KIAA1328: variants seen among roughly 807,000 people sequenced by gnomAD.
The protein encoded by KIAA1328 is KIAA1328, also known as protein hinderin.
In KIAA1328, 52 loss-of-function variants were observed where a neutral mutation model predicts 68.1. The observed-to-expected ratio is 0.76, with a 90% CI of 0.61 to 0.96. KIAA1328 has a LOEUF of 0.96. KIAA1328 is among the 40% of genes least tolerant of loss of function. KIAA1328 has a pLI of 0.00. For synonymous variants in KIAA1328, 232 were observed against 239.4 expected, an observed-to-expected ratio of 0.97 and a Z score of 0.28; for missense variants, 641 against 677.6, an observed-to-expected ratio of 0.95 and a Z score of 0.60.
intron 7 of KIAA1328, among the ~76,000 whole-genome samples, chr18:37,117,359 A>G (rs910540915): frequency 6.6e-6 from 1 of 152,322 alleles, no homozygotes; most frequent in Admixed American, 6.5e-5. Context: ...GGATGAAGCT[A>G]GAAACCATCA....
chr18:36,870,928 T>C (rs1031120501), intron 4 of KIAA1328, among the ~76,000 whole-genome samples: 1 of 152,156 alleles, frequency 6.6e-6, no homozygotes, highest in Non-Finnish European at 1.5e-5. Flanking sequence ...CCCAAGGGGC[T>C]CCCCACTCTT....
intron 6 of KIAA1328, among the ~76,000 whole-genome samples, chr18:36,986,485 G>A (rs553092980): frequency 9.0e-4 from 118 of 131,362 alleles, no homozygotes; most frequent in African/African-American, 3.3e-3. Context: ...TTGACAAATG[G>A]GATCTAATTA....
At chr18:37,180,170 A>T (rs17652947) in intron 9 of KIAA1328, among the ~76,000 whole-genome samples, 1 of 151,900 alleles carries the variant, frequency 6.6e-6, no homozygotes, top group African/African-American at 2.4e-5. Context: ...AATTCTTAGC[A>T]TAGTACTTTA....
intron 6 of KIAA1328, among the ~76,000 whole-genome samples, chr18:36,963,730 T>C (rs2051796864): frequency 6.6e-6 from 1 of 152,208 alleles, no homozygotes. Context: ...TTTATGTACT[T>C]GCAGATAGAC....
chr18:36,844,350 C>G, intron 4 of KIAA1328, 48 bp downstream of exon 4: 2 of 1,249,620 alleles, frequency 1.6e-6, no homozygotes, highest in Non-Finnish European at 2.2e-6. Flanking sequence ...AAAGACAACT[C>G]TTATTGAAAA....
At chr18:36,836,027 A>G (rs954602862) in intron 3 of KIAA1328, among the ~76,000 whole-genome samples, 1 of 152,136 alleles carries the variant, frequency 6.6e-6, no homozygotes, top group Admixed American at 6.5e-5. Flanking sequence ...ATAATTGTCT[A>G]TGGTTGCTTT....
intron 4 of KIAA1328, among the ~76,000 whole-genome samples, chr18:36,845,522 C>G (rs2046997849): frequency 6.6e-6 from 1 of 151,628 alleles, no homozygotes; most frequent in South Asian, 2.1e-4. Context: ...TGGAGAATAC[C>G]TGAAATATTA....
intron 4 of KIAA1328, among the ~76,000 whole-genome samples, chr18:36,884,085 T>C (rs1234577552): frequency 1.3e-5 from 2 of 151,936 alleles, no homozygotes; most frequent in Admixed American, 1.3e-4. Context: ...AGATTAATAA[T>C]GCCCAGAGAG....
chr18:36,971,663 T>A (rs999178699), intron 6 of KIAA1328, among the ~76,000 whole-genome samples: 5 of 152,104 alleles, frequency 3.3e-5, no homozygotes, highest in African/African-American at 1.2e-4. Flanking sequence ...TGTGGTACTG[T>A]ATACCATGAA....
intron 7 of KIAA1328, among the ~76,000 whole-genome samples, chr18:37,092,162 G>C (rs1312417652): frequency 1.3e-5 from 2 of 152,052 alleles, no homozygotes; most frequent in Non-Finnish European, 2.9e-5. Context: ...ACTGCTGCTG[G>C]CACACGTGCA....
intron 6 of KIAA1328, among the ~76,000 whole-genome samples, chr18:36,960,239 T>C (rs1006768272): frequency 2.0e-5 from 3 of 152,206 alleles, no homozygotes; most frequent in African/African-American, 7.2e-5. Flanking sequence ...CCTATGAGGC[T>C]GCAGCCCGGC....
At position 37,222,079 on chromosome 18, in the gene KIAA1328, A is replaced by C. The variant is rs777198905; in HGVS notation, c.1586A>C (p.Gln529Pro). The C allele has an allele frequency of 6.2e-7, 1 of 1,613,720 alleles. No homozygotes were observed. Among genetic ancestry groups the C allele is most frequent in the Non-Finnish European group, 8.5e-7 (1 of 1,179,804 alleles). The change falls in exon 10 of 10, where the codon CAG (glutamine) becomes CCG (proline). Residue 529 changes from glutamine to proline, a missense_variant. Physicochemically the swap from Gln to Pro is moderately conservative, Grantham distance 76. Coordinates refer to ENST00000280020, the MANE Select transcript of KIAA1328 (RefSeq NM_020776.3). The part of the protein sequence containing the change: ...SLSPNSAPKP[Q>P]RYPSREAGAW... ...AGCCCAAACTCTGCGCCCAAACCTC[A>C]GCGCTATCCCTCCAGAGAAGCTGGG...
intron 5 of KIAA1328, among the ~76,000 whole-genome samples, chr18:36,936,391 C>T (rs1170172656): frequency 6.6e-6 from 1 of 152,096 alleles, no homozygotes; most frequent in Non-Finnish European, 1.5e-5. Context: ...TTTTCTGTTC[C>T]TGTGTTAGTT....
At chr18:36,912,074 C>T (rs1411221904) in intron 5 of KIAA1328, among the ~76,000 whole-genome samples, 9 of 151,968 alleles carry the variant, frequency 5.9e-5, no homozygotes, top group Non-Finnish European at 1.3e-4. Context: ...CACCCTTTTC[C>T]CCTTCAAATC....
chr18:37,149,089 T>C (rs560883021), intron 7 of KIAA1328, among the ~76,000 whole-genome samples: 25 of 152,272 alleles, frequency 1.6e-4, no homozygotes, highest in African/African-American at 5.5e-4. Context: ...AAAATTCATA[T>C]GGAACCAAAA....
At chr18:37,072,349 A>G (rs1334453583) in intron 7 of KIAA1328, among the ~76,000 whole-genome samples, 1 of 150,606 alleles carries the variant, frequency 6.6e-6, no homozygotes, top group Non-Finnish European at 1.5e-5. Flanking sequence ...TCTTCTCTCC[A>G]CTGATGTTTT....
intron 6 of KIAA1328, among the ~76,000 whole-genome samples, chr18:37,041,552 G>A (rs1340170194): frequency 2.0e-5 from 3 of 150,754 alleles, no homozygotes; most frequent in Non-Finnish European, 4.4e-5. Context: ...GATATGGTTG[G>A]ATTTATGTCC....
At chr18:37,148,786 A>G (rs1434961902) in intron 7 of KIAA1328, among the ~76,000 whole-genome samples, 1 of 152,134 alleles carries the variant, frequency 6.6e-6, no homozygotes, top group Non-Finnish European at 1.5e-5. Flanking sequence ...GTGTGTATTC[A>G]TGTCCTTTGC....
intron 6 of KIAA1328, among the ~76,000 whole-genome samples, chr18:37,054,231 C>A (rs758011596): frequency 6.6e-6 from 1 of 152,076 alleles, no homozygotes; most frequent in African/African-American, 2.4e-5. Context: ...ATTAGTTCAT[C>A]CCCTATGGAA....
Sources: gnomAD v4.1 joint callset for allele counts (sites outside exome capture counted in the v4.1 genomes callset) on GRCh38, gnomAD v4.1.1 for gene constraint, MANE v1.5 for transcripts, NCBI Gene and HGNC (gene_info 2026-07-23, HGNC 2026-07-21) for gene names.